TBC1D5: variants seen among roughly 807,000 people sequenced by gnomAD.
TBC1D5 encodes TBC1 domain family member 5, also known as TBC1 domain family, member 5.
Under a neutral mutation model 100.3 loss-of-function variants are expected in TBC1D5, and 75 were observed. The observed-to-expected ratio is 0.75, with a 90% CI of 0.62 to 0.91. The LOEUF (loss-of-function observed/expected upper bound fraction) is 0.91. Among genes scored for constraint, TBC1D5 ranks in the 40% least tolerant of loss-of-function variants. TBC1D5 has a pLI of 0.00. For missense variants in TBC1D5, 910 were observed against 942.4 expected, an observed-to-expected ratio of 0.97 and a Z score of 0.45; for synonymous variants, 323 against 325.6, an observed-to-expected ratio of 0.99 and a Z score of 0.09.
At position 17,367,630 on chromosome 3, in the gene TBC1D5, G is replaced by A. The variant is rs528176965; in HGVS notation, c.995+4445C>T. 3.5e-3 allele frequency among the ~76,000 whole-genome samples: 534 copies of A among 152,156 alleles called. 4 individuals are homozygous for A. The highest frequency in any genetic ancestry group is 0.012 in the African/African-American group (487 of 41,528). ...CCCCAGCACTTTGGGAAGCCCGGGC[G>A]GGCAGATCACTCAAGGTCAGGAGTT... On this transcript the variant is annotated intron_variant, in intron 13 of 21. Coordinates refer to ENST00000253692, the Ensembl canonical transcript of TBC1D5.
intron 1 of TBC1D5, among the ~76,000 whole-genome samples, chr3:17,624,772 C>A (rs1024728516): frequency 1.7e-4 from 26 of 152,144 alleles, no homozygotes; most frequent in Admixed American, 1.1e-3. Context: ...GAACATGTTA[C>A]AAAACCACCA....
At chr3:17,357,642 TC>T (rs1182521198) in intron 13 of TBC1D5, among the ~76,000 whole-genome samples, 1 of 152,224 alleles carries the variant, frequency 6.6e-6, no homozygotes, top group Non-Finnish European at 1.5e-5. Flanking sequence ...ACATTATTTA[TC>T]ATATTATTAC....
intron 17 of TBC1D5, among the ~76,000 whole-genome samples, chr3:17,231,878 G>A (rs1268394917): frequency 4.6e-5 from 7 of 152,144 alleles, no homozygotes; most frequent in Non-Finnish European, 1.0e-4. Flanking sequence ...ATCTCTGCTA[G>A]GGTATGGGAG....
intron 13 of TBC1D5, among the ~76,000 whole-genome samples, chr3:17,359,886 A>G (rs1420219499): frequency 6.6e-6 from 1 of 152,012 alleles, no homozygotes; most frequent in Non-Finnish European, 1.5e-5. Context: ...CCATGAAATA[A>G]AAAATCCAAG....
intron 13 of TBC1D5, among the ~76,000 whole-genome samples, chr3:17,345,479 A>T (rs1291394579): frequency 6.6e-6 from 1 of 152,160 alleles, no homozygotes; most frequent in African/African-American, 2.4e-5. Context: ...GTGGGACGGT[A>T]AACTAGTTCA....
At chr3:17,619,728 G>A (rs1237500179) in intron 2 of TBC1D5, among the ~76,000 whole-genome samples, 2 of 152,144 alleles carry the variant, frequency 1.3e-5, no homozygotes, top group Admixed American at 1.3e-4. Flanking sequence ...CTAAAGTACA[G>A]ATATAAAATT....
intron 18 of TBC1D5, among the ~76,000 whole-genome samples, chr3:17,192,145 T>G (rs985591315): frequency 1.4e-4 from 21 of 152,100 alleles, no homozygotes; most frequent in Non-Finnish European, 2.8e-4. Flanking sequence ...TTTTGCTAAT[T>G]TTCGGTGGAT....
At chr3:17,220,438 G>A (rs1449886) in intron 17 of TBC1D5, among the ~76,000 whole-genome samples, 62,115 of 151,772 alleles carry the variant, frequency 0.41, 13,406 homozygotes, top group Middle Eastern at 0.49. Context: ...TTTACAGCCC[G>A]CTTTAAGGTC....
chr3:17,182,869 GT>G (rs949770793), intron 19 of TBC1D5, among the ~76,000 whole-genome samples: 1 of 150,976 alleles, frequency 6.6e-6, no homozygotes, highest in South Asian at 2.1e-4. Flanking sequence ...AATGAGTTGT[GT>G]TTTTTTTTAA....
At chr3:17,216,407 C>A (rs114166098) in intron 17 of TBC1D5, among the ~76,000 whole-genome samples, 101 of 152,224 alleles carry the variant, frequency 6.6e-4, no homozygotes, top group Non-Finnish European at 1.2e-3. Flanking sequence ...GGTCTGCCCC[C>A]ATCCCTCTGC....
chr3:17,166,533 T>C (rs2066614895), intron 21 of TBC1D5, among the ~76,000 whole-genome samples: 3 of 152,202 alleles, frequency 2.0e-5, no homozygotes. Flanking sequence ...CACGGGTTTG[T>C]AGGGCACGCA....
At chr3:17,629,272 T>G (rs534595423) in intron 1 of TBC1D5, among the ~76,000 whole-genome samples, 1 of 152,142 alleles carries the variant, frequency 6.6e-6, no homozygotes, top group African/African-American at 2.4e-5. Context: ...ATTTAGCCAT[T>G]AGATACACAT....
chr3:17,711,237 A>AT (rs2074704703), intron 1 of TBC1D5, among the ~76,000 whole-genome samples: 1 of 152,168 alleles, frequency 6.6e-6, no homozygotes, highest in South Asian at 2.1e-4. Flanking sequence ...TGTGAATTTC[A>AT]TTTTTGTTTT....
At chr3:17,453,352 TA>T (rs202219258) in intron 3 of TBC1D5, among the ~76,000 whole-genome samples, 34 of 148,322 alleles carry the variant, frequency 2.3e-4, no homozygotes, top group African/African-American at 4.5e-4. Context: ...AACAAAACAA[TA>T]AAAAAAAAGA....
At chr3:17,172,633 G>A (rs558467901) in intron 19 of TBC1D5, among the ~76,000 whole-genome samples, 28 of 152,248 alleles carry the variant, frequency 1.8e-4, no homozygotes, top group African/African-American at 6.5e-4. Context: ...CCACTTCTGT[G>A]GAAATTACAC....
intron 2 of TBC1D5, among the ~76,000 whole-genome samples, chr3:17,548,114 A>G (rs551549550): frequency 7.0e-4 from 107 of 152,222 alleles, no homozygotes; most frequent in Middle Eastern, 3.4e-3. Flanking sequence ...GGAGATCGAG[A>G]CCATCCAAGG....
At chr3:17,546,303 A>G (rs1370670287) in intron 2 of TBC1D5, among the ~76,000 whole-genome samples, 1 of 152,206 alleles carries the variant, frequency 6.6e-6, no homozygotes, top group Non-Finnish European at 1.5e-5. Flanking sequence ...CAGGGTGCTT[A>G]TATTGTACAC....
At chr3:17,295,642 A>T (rs1485042755) in intron 14 of TBC1D5, among the ~76,000 whole-genome samples, 2 of 152,256 alleles carry the variant, frequency 1.3e-5, no homozygotes, top group Non-Finnish European at 2.9e-5. Context: ...CCACACTTAC[A>T]ATTGTAATGT....
At chr3:17,194,021 A>C (rs2070325791) in intron 18 of TBC1D5, among the ~76,000 whole-genome samples, 1 of 152,212 alleles carries the variant, frequency 6.6e-6, no homozygotes, top group African/African-American at 2.4e-5. Flanking sequence ...AATAAAAATC[A>C]GCTGGGGATC....
Sources: allele counts gnomAD v4.1 joint callset (sites outside exome capture counted in the v4.1 genomes callset), GRCh38; gene constraint gnomAD v4.1.1; transcripts MANE v1.5; gene names NCBI Gene and HGNC (gene_info 2026-07-23, HGNC 2026-07-21).